MGST1: variants seen among roughly 807,000 people sequenced by gnomAD.
MGST1 encodes glutathione S-transferase 12.
In MGST1, 5 loss-of-function variants were observed where a neutral mutation model predicts 8.9. The observed-to-expected ratio is 0.56, with a 90% CI of 0.29 to 1.19. The LOEUF (loss-of-function observed/expected upper bound fraction) is 1.19. Ranked by LOEUF, MGST1 falls within the 50% of genes most tolerant of loss-of-function variation. MGST1 has a pLI of 0.08. For synonymous variants in MGST1, 54 were observed against 67.8 expected (o/e 0.80, Z 1.00); for missense variants, 182 against 187.4 (o/e 0.97, Z 0.17).
chr12:16,572,584 T>C (rs1591795228), intron 4 of MGST1, among the ~76,000 whole-genome samples: 1 of 149,772 alleles, frequency 6.7e-6, no homozygotes, highest in East Asian at 1.9e-4. Context: ...CCTTCATAAA[T>C]AGAGTATGTG....
chr12:16,394,164 A>G (rs1447261774), intron 1 of MGST1, among the ~76,000 whole-genome samples: 1 of 152,256 alleles, frequency 6.6e-6, no homozygotes, highest in Non-Finnish European at 1.5e-5. Flanking sequence ...CCGTATCTTT[A>G]TCAACACTTG....
chr12:16,488,823 G>A (rs1251214501), intron 4 of MGST1, among the ~76,000 whole-genome samples: 2 of 152,098 alleles, frequency 1.3e-5, no homozygotes, highest in East Asian at 1.9e-4. Flanking sequence ...CACAAAACAG[G>A]TGGACCAGGC....
intron 4 of MGST1, among the ~76,000 whole-genome samples, chr12:16,571,691 C>T (rs535649177): frequency 4.3e-4 from 66 of 151,972 alleles, no homozygotes; most frequent in Admixed American, 1.4e-3. Flanking sequence ...GGTTCCTTCA[C>T]TGACTCAAAT....
chr12:16,577,727 C>T (rs1943038290), intron 4 of MGST1, among the ~76,000 whole-genome samples: 2 of 152,116 alleles, frequency 1.3e-5, no homozygotes, highest in South Asian at 2.1e-4. Context: ...GCAGTAATTT[C>T]CTCATTTCAC....
rs1034010182 is a variant in MGST1 at position 16,546,033 on chromosome 12, G to A, written n.483-43495G>A. Among the ~76,000 whole-genome samples, 3 of 152,036 alleles carry A rather than the reference G, an allele frequency of 2.0e-5. No homozygotes were observed. Among genetic ancestry groups the A allele is most frequent in the African/African-American group, 7.2e-5 (3 of 41,406 alleles). On this transcript the variant is annotated intron_variant and non_coding_transcript_variant, in intron 4 of 4. Transcript: ENST00000538857. This position sits in a 1 kb window ranked among gnomAD's most constrained non-coding sequence, Gnocchi z 4.7. ...TGACCTTGGGCGAATTAAGTAACCT[G>A]GCTGTGCTTTCATTTTAATAGTACC...
At chr12:16,450,731 A>T (rs1455310218) in intron 4 of MGST1, among the ~76,000 whole-genome samples, 2 of 151,916 alleles carry the variant, frequency 1.3e-5, no homozygotes, top group African/African-American at 4.8e-5. Context: ...AGCATGAGTG[A>T]ATGGGCTTTT....
intron 4 of MGST1, among the ~76,000 whole-genome samples, chr12:16,492,780 A>T (rs1941448057): frequency 6.6e-6 from 1 of 152,192 alleles, no homozygotes; most frequent in African/African-American, 2.4e-5. Context: ...TCTGAACTAC[A>T]TTCCCAATCA....
intron 4 of MGST1, among the ~76,000 whole-genome samples, chr12:16,475,512 C>G (rs1000925392): frequency 1.3e-5 from 2 of 152,150 alleles, no homozygotes; most frequent in African/African-American, 2.4e-5. Flanking sequence ...AACGGCAATA[C>G]CATTTCTGTT....
intron 4 of MGST1, among the ~76,000 whole-genome samples, chr12:16,527,697 G>A (rs964288011): frequency 6.6e-6 from 1 of 151,942 alleles, no homozygotes; most frequent in African/African-American, 2.4e-5. Flanking sequence ...AACTTCAAGT[G>A]TACATCATGG....
At chr12:16,530,749 C>T (rs1941717569) in intron 4 of MGST1, among the ~76,000 whole-genome samples, 2 of 152,134 alleles carry the variant, frequency 1.3e-5, no homozygotes, top group South Asian at 4.1e-4. Flanking sequence ...CAGGATATTT[C>T]ACTGTCCATG....
chr12:16,522,848 C>T (rs1445035118), intron 4 of MGST1, among the ~76,000 whole-genome samples: 6 of 151,992 alleles, frequency 3.9e-5, no homozygotes, highest in Admixed American at 3.9e-4. Flanking sequence ...CCTTAGGTAA[C>T]CTTTCTTTCT....
chr12:16,459,307 T>A (rs1041053841), intron 4 of MGST1, among the ~76,000 whole-genome samples: 3 of 152,068 alleles, frequency 2.0e-5, no homozygotes, highest in South Asian at 4.1e-4. Context: ...GCTAATACCA[T>A]GAGCTTCAAA....
chr12:16,491,956 C>T (rs1941442081), intron 4 of MGST1, among the ~76,000 whole-genome samples: 1 of 152,140 alleles, frequency 6.6e-6, no homozygotes, highest in Non-Finnish European at 1.5e-5. Context: ...ACCAAATGCA[C>T]TTTGTCTACA....
intron 4 of MGST1, among the ~76,000 whole-genome samples, chr12:16,535,213 T>C (rs1941748201): frequency 6.6e-6 from 1 of 152,216 alleles, no homozygotes; most frequent in South Asian, 2.1e-4. Context: ...GCTTTACCAA[T>C]TGCTCACCCT....
chr12:16,484,759 C>T (rs1186024563), intron 4 of MGST1, among the ~76,000 whole-genome samples: 2 of 152,176 alleles, frequency 1.3e-5, no homozygotes, highest in Non-Finnish European at 2.9e-5. Context: ...AATCACCTCC[C>T]ACCAGGCCTG....
At chr12:16,524,190 T>C (rs562368635) in intron 4 of MGST1, among the ~76,000 whole-genome samples, 3 of 152,160 alleles carry the variant, frequency 2.0e-5, no homozygotes, top group South Asian at 2.1e-4. Context: ...GGAAGTAAAC[T>C]TTCTGTGCCA....
chr12:16,406,238 A>T (rs1459942183), intron 1 of MGST1, among the ~76,000 whole-genome samples: 1 of 152,174 alleles, frequency 6.6e-6, no homozygotes, highest in Admixed American at 6.5e-5. Flanking sequence ...AAATCAATAT[A>T]CAAAAATCAC....
chr12:16,388,875 C>G (rs960252259), intron 1 of MGST1, among the ~76,000 whole-genome samples: 2 of 152,166 alleles, frequency 1.3e-5, no homozygotes, highest in African/African-American at 2.4e-5. Context: ...TCTGTCCTTC[C>G]AGAACTCCTG....
chr12:16,542,557 C>G (rs1165855402), intron 4 of MGST1, among the ~76,000 whole-genome samples: 1 of 152,108 alleles, frequency 6.6e-6, no homozygotes, highest in East Asian at 1.9e-4. Flanking sequence ...TCATACTTGA[C>G]CCTTCTTCAT....
Sources: gnomAD v4.1 joint callset for allele counts (sites outside exome capture counted in the v4.1 genomes callset) on GRCh38, gnomAD v4.1.1 for gene constraint, Gnocchi (gnomAD v3.1) non-coding constraint, MANE v1.5 for transcripts, NCBI Gene and HGNC (gene_info 2026-07-23, HGNC 2026-07-21) for gene names.